Variants in HKDC1 observed in about 807,000 individuals in gnomAD.
HKDC1 encodes hexokinase HKDC1.
HKDC1 carries 66 observed loss-of-function variants against 96.6 expected under a neutral mutation model. The ratio of observed to expected loss-of-function variants is 0.68; its 90% CI spans 0.56 to 0.84. HKDC1 has a LOEUF of 0.84. Among genes scored for constraint, HKDC1 ranks in the 40% least tolerant of loss-of-function variants. The probability of loss-of-function intolerance (pLI) is 0.00; values close to 1 mark genes in which losing one functional copy is unlikely to be tolerated. For missense variants in HKDC1, 1,211 were observed against 1,208.1 expected, an observed-to-expected ratio of 1.00 and a Z score of -0.04; for synonymous variants, 466 against 473.1, an observed-to-expected ratio of 0.98 and a Z score of 0.20.
intron 16 of HKDC1, chr10:69,261,503 G>A: frequency 2.0e-6 from 1 of 500,274 alleles, no homozygotes; most frequent in Admixed American, 3.2e-5. Context: ...CATCTATAAA[G>A]TCCTGCTGTC....
At chr10:69,230,038 G>A (rs1843226735) in intron 2 of HKDC1, among the ~76,000 whole-genome samples, 1 of 152,190 alleles carries the variant, frequency 6.6e-6, no homozygotes, top group African/African-American at 2.4e-5. Context: ...AGAAATGTAT[G>A]CAGCTTCCAG....
intron 1 of HKDC1, among the ~76,000 whole-genome samples, chr10:69,224,003 G>C (rs541066053): frequency 1.5e-4 from 23 of 151,384 alleles, no homozygotes; most frequent in African/African-American, 4.8e-4. Flanking sequence ...GCCTCCAGGA[G>C]CTCGAGACCA....
chr10:69,256,307 G>T (rs1290432090), intron 12 of HKDC1, among the ~76,000 whole-genome samples: 1 of 152,188 alleles, frequency 6.6e-6, no homozygotes, highest in Non-Finnish European at 1.5e-5. Flanking sequence ...GATCCATACT[G>T]TTGGAGTTTT....
In HKDC1 at chr10:69,250,393, C is replaced by T; in HGVS notation, c.1674C>T (p.Ile558=). ...GRRSVRMYNK[I]FAIPLEIMQG... Reference sequence around the variant, plus strand: ...GGTCAGTGCGAATGTACAACAAGATCTTCGCCATCCCCCTGGAGATCATGC... The same window carrying T: ...GGTCAGTGCGAATGTACAACAAGATTTTCGCCATCCCCCTGGAGATCATGC... The change falls in exon 11 of 18, where the codon ATC becomes ATT. Residue 558 remains isoleucine (I), a synonymous_variant. Coordinates refer to ENST00000354624, the MANE Select transcript of HKDC1 (RefSeq NM_025130.4). 2 of 1,614,080 alleles carry T rather than the reference C, an allele frequency of 1.2e-6. No individual in the cohort carries two copies. The highest frequency in any genetic ancestry group is 1.7e-6 in the Non-Finnish European group (2 of 1,179,938).
chr10:69,220,967 T>A (rs748381882), intron 1 of HKDC1, among the ~76,000 whole-genome samples: 6 of 152,132 alleles, frequency 3.9e-5, no homozygotes, highest in Non-Finnish European at 7.4e-5. Flanking sequence ...CTGGCCAACA[T>A]GGTGAAACCC....
intron 12 of HKDC1, among the ~76,000 whole-genome samples, chr10:69,252,058 C>A (rs560630264): frequency 1.3e-5 from 2 of 152,316 alleles, no homozygotes; most frequent in African/African-American, 4.8e-5. Context: ...CTGTGCCTGG[C>A]AAGAAATGCA....
chr10:69,237,971 G>A (rs1221292874), intron 4 of HKDC1, among the ~76,000 whole-genome samples: 1 of 152,192 alleles, frequency 6.6e-6, no homozygotes, highest in Admixed American at 6.5e-5. Context: ...TGACTGAGAC[G>A]ACTTGGGCGA....
At chr10:69,224,945 T>C (rs1419673476) in intron 1 of HKDC1, among the ~76,000 whole-genome samples, 3 of 152,192 alleles carry the variant, frequency 2.0e-5, no homozygotes, top group African/African-American at 4.8e-5. Context: ...ACATGACTTG[T>C]TTGGATTGAA....
chr10:69,252,643 CAAAAA>C (rs71471534), intron 12 of HKDC1, among the ~76,000 whole-genome samples: 1 of 64,556 alleles, frequency 1.5e-5, no homozygotes, highest in Admixed American at 1.7e-4. Flanking sequence ...GACTCTGTCT[CAAAAA>C]AAAAAAAAAA....
In HKDC1 at chr10:69,255,804, C is replaced by G. The variant is rs185410709; in HGVS notation, c.1837-1232C>G. Among the ~76,000 whole-genome samples the G allele has an allele frequency of 4.8e-3, 730 of 151,932 alleles. 6 individuals are homozygous for G. Among genetic ancestry groups the G allele is most frequent in the African/African-American group, 0.016 (658 of 41,414 alleles). On this transcript the variant is annotated intron_variant, in intron 12 of 17. Transcript: ENST00000354624. The stretch of plus-strand genomic sequence containing the variant: ...TGGTGGTGTGTGCCTGTAGTCCCAG[C>G]TACTCAGGAGGCTGAGGCACGAGAA...
Position 69,240,670 on chromosome 10 carries a change from C to G in HKDC1, c.610C>G (p.Leu204Val). 3.7e-6 allele frequency: 6 copies of G among 1,614,016 alleles called. No individual in the cohort carries two copies. Among genetic ancestry groups the G allele is most frequent in the Non-Finnish European group, 5.1e-6 (6 of 1,179,926 alleles). The change falls in exon 6 of 18, where the codon CTG (leucine) becomes GTG (valine). Residue 204 changes from leucine (L) to valine (V), a missense_variant. Coordinates refer to ENST00000354624, the MANE Select transcript of HKDC1 (RefSeq NM_025130.4). ...TCGGCAGGACATGGACGTGGACATC[C>G]TGGCCCTGGTCAATGACACCGTGGG... Reference protein sequence around the residue: ...RRHKDMDVDILALVNDTVGTM... With the variant: ...RRHKDMDVDIVALVNDTVGTM...
At position 69,248,722 on chromosome 10, in the gene HKDC1, G is replaced by T; in HGVS notation, c.1564G>T (p.Gly522Cys). The change falls in exon 10 of 18, where the codon GGC becomes TGC. Residue 522 changes from glycine to cysteine, a missense_variant. By Grantham distance (159) the Gly-to-Cys change is radical. Transcript: ENST00000354624. ...LPTYVCGLPD[G>C]TEKGKFLALD... ...CACCTACGTCTGCGGGCTGCCGGAC[G>T]GCACAGGTGGGCCAGCACAGCCTCC... is the stretch of plus-strand genomic sequence containing the variant. The T allele has an allele frequency of 6.2e-7, 1 of 1,601,242 alleles. No homozygotes were observed.
intron 16 of HKDC1, chr10:69,261,519 C>A (rs565102761): frequency 1.1e-5 from 5 of 464,776 alleles, no homozygotes; most frequent in Non-Finnish European, 1.9e-5. Context: ...CTGTCCCCAT[C>A]CTCAGGCTGG....
chr10:69,227,285 G>T lies in HKDC1; in HGVS notation c.142G>T (p.Glu48Ter). The T allele has an allele frequency of 6.2e-7, 1 of 1,614,180 alleles. No homozygotes were observed. Among genetic ancestry groups the T allele is most frequent in the Non-Finnish European group, 8.5e-7 (1 of 1,180,032 alleles). ...CATGAGGCGGTTCCGGGCTGAGATG[G>T]AGAAGGGCCTGGCAAAGGACACCAA... is the stretch of plus-strand genomic sequence containing the variant. ...DIMRRFRAEM[E>*]KGLAKDTNPT... The change falls in exon 2 of 18, where the codon GAG becomes TAG. Residue 48 changes from glutamate (E) to a stop codon, truncating the protein, a stop_gained. Transcript: ENST00000354624. LOFTEE classifies it high-confidence loss of function.
intron 5 of HKDC1, among the ~76,000 whole-genome samples, chr10:69,239,458 C>T (rs1425952267): frequency 1.3e-5 from 2 of 152,220 alleles, no homozygotes; most frequent in East Asian, 3.8e-4. Context: ...ACACGCCCTC[C>T]TCTCTGAGGC....
At chr10:69,250,148 AG>A (rs1354629825) in intron 10 of HKDC1, 141 bp from the exon 11 acceptor site, 5 of 881,522 alleles carry the variant, frequency 5.7e-6, no homozygotes, top group East Asian at 4.9e-5. Context: ...GGCACTGTGC[AG>A]GGTGGCCCCC....
chr10:69,232,305 C>G (rs1344378517), intron 2 of HKDC1: 1 of 180,796 alleles, frequency 5.5e-6, no homozygotes, highest in Non-Finnish European at 1.2e-5. Flanking sequence ...TTCCCTCTGC[C>G]CATAGGATCA....
intron 5 of HKDC1, among the ~76,000 whole-genome samples, chr10:69,239,647 T>C (rs900037416): frequency 2.0e-5 from 3 of 152,214 alleles, no homozygotes; most frequent in African/African-American, 7.2e-5. Flanking sequence ...CAAACCCAAA[T>C]TGCTTGTTGC....
chr10:69,230,425 C>A (rs534682372), intron 2 of HKDC1, among the ~76,000 whole-genome samples: 1 of 152,236 alleles, frequency 6.6e-6, no homozygotes, highest in Non-Finnish European at 1.5e-5. Context: ...TCTGAATCTC[C>A]AGGAATCTCC....
Sources: allele counts gnomAD v4.1 joint callset (sites outside exome capture counted in the v4.1 genomes callset), GRCh38; gene constraint gnomAD v4.1.1; transcripts MANE v1.5; gene names NCBI Gene and HGNC (gene_info 2026-07-23, HGNC 2026-07-21).